KCNC2: variants seen among roughly 807,000 people sequenced by gnomAD.
KCNC2 encodes the protein potassium voltage-gated channel subfamily C member 2, also known as voltage-gated potassium channel KCNC2.
In KCNC2, 21 loss-of-function variants were observed where a neutral mutation model predicts 44.5. That is an observed-to-expected ratio of 0.47 (90% CI 0.33 to 0.68). KCNC2 has a LOEUF of 0.68. Ranked by LOEUF, KCNC2 falls within the 30% of genes least tolerant of loss-of-function variation. The pLI is 0.01. For missense variants in KCNC2, 589 were observed against 826.2 expected (o/e 0.71, Z 3.52); for synonymous variants, 391 against 339.1 (o/e 1.15, Z -1.68).
intron 4 of KCNC2, chr12:75,044,877 A>G (rs1021630275): frequency 6.6e-6 from 1 of 151,994 alleles, no homozygotes; most frequent in African/African-American, 2.4e-5. Flanking sequence ...GCTATAAAAC[A>G]TGAGAAGTGG....
intron 2 of KCNC2, among the ~76,000 whole-genome samples, chr12:75,126,512 A>T (rs1888436647): frequency 6.6e-6 from 1 of 152,178 alleles, no homozygotes. Context: ...AGTGTGATAA[A>T]TTATAAAAAG....
At position 75,168,430 on chromosome 12, in the gene KCNC2, A is replaced by T. The variant is rs572935833; in HGVS notation, c.687+38867T>A. On this transcript the variant is annotated intron_variant, in intron 2 of 4. Coordinates refer to ENST00000549446, the MANE Select transcript of KCNC2 (RefSeq NM_139137.4). ...TAAGGCCATAAAGAAGCTGGAAAGT[A>T]GGGCTGCCAGGCTGCAGATTCAAAG... Among the ~76,000 whole-genome samples the T allele has an allele frequency of 1.3e-4, 19 of 151,626 alleles. No individual in the cohort carries two copies. In the East Asian group the frequency reaches 1.9e-3, roughly 16 times the overall value.
rs1882196269 is a variant in KCNC2 at position 75,060,434 on chromosome 12, A to G, written c.688-9117T>C. Among the ~76,000 whole-genome samples the G allele has an allele frequency of 3.9e-5, 6 of 152,120 alleles. No homozygotes were observed. The South Asian group carries it at 1.2e-3, about 32-fold the overall frequency. ...GCTTAAAATACTTTAATGGCTCCCA[A>G]CTACTAGATAATATGGAATGTTCTT... On this transcript the variant is annotated intron_variant, in intron 2 of 4. Transcript: ENST00000549446.
At chr12:75,186,393 G>A (rs979456188) in intron 2 of KCNC2, among the ~76,000 whole-genome samples, 10 of 151,988 alleles carry the variant, frequency 6.6e-5, no homozygotes, top group African/African-American at 1.9e-4. Context: ...TTATTTCTAT[G>A]ATAAGATTTT....
intron 2 of KCNC2, among the ~76,000 whole-genome samples, chr12:75,191,918 T>G (rs2030321015): frequency 6.6e-6 from 1 of 152,136 alleles, no homozygotes; most frequent in Non-Finnish European, 1.5e-5. Flanking sequence ...ACAATACAGT[T>G]TTACCTAATC....
intron 2 of KCNC2, among the ~76,000 whole-genome samples, chr12:75,092,816 T>C (rs1885598078): frequency 1.3e-5 from 2 of 151,662 alleles, no homozygotes; most frequent in African/African-American, 4.8e-5. Context: ...GTCCAAAATA[T>C]AATATTCTTT....
At chr12:75,132,298 A>G (rs1158483494) in intron 2 of KCNC2, among the ~76,000 whole-genome samples, 1 of 152,148 alleles carries the variant, frequency 6.6e-6, no homozygotes, top group Non-Finnish European at 1.5e-5. Flanking sequence ...ATCTAGCTGG[A>G]TGTATATTTT....
intron 2 of KCNC2, among the ~76,000 whole-genome samples, chr12:75,182,828 A>G (rs1381415447): frequency 6.6e-6 from 1 of 152,168 alleles, no homozygotes; most frequent in Non-Finnish European, 1.5e-5. Flanking sequence ...GCCTCACCTC[A>G]CTTCAGTTTT....
chr12:75,201,966 T>A (rs532199477), intron 2 of KCNC2, among the ~76,000 whole-genome samples: 2 of 152,048 alleles, frequency 1.3e-5, no homozygotes, highest in South Asian at 4.1e-4. Flanking sequence ...ATAAAAAGAA[T>A]ACATGGCTCA....
rs1441234797 is a variant in KCNC2, at chr12:75,207,729, G to A, written c.255C>T (p.Cys85=). 1 of 1,570,438 alleles carries A rather than the reference G, an allele frequency of 6.4e-7. No homozygotes were observed. Among genetic ancestry groups the A allele is most frequent in the Non-Finnish European group, 8.6e-7 (1 of 1,158,090 alleles). ...CGCTGGCCCTGCCGCCGCGGGAACT[G>A]CAGTTGCCCGCGCCGCCCTCGAAGC... ...GGCFEGGAGN[C]SSRGGRASDH... is the part of the protein sequence containing the mutation. The change falls in exon 2 of 5, where the codon TGC becomes TGT. Residue 85 remains cysteine, a synonymous_variant. Coordinates refer to ENST00000549446, the MANE Select transcript of KCNC2 (RefSeq NM_139137.4). This position sits in a 1 kb window ranked among gnomAD's most constrained non-coding sequence, Gnocchi z 4.1.
intron 2 of KCNC2, among the ~76,000 whole-genome samples, chr12:75,196,982 C>A: frequency 6.6e-6 from 1 of 151,962 alleles, no homozygotes; most frequent in East Asian, 1.9e-4. Flanking sequence ...GCAGTTGTAG[C>A]ACAATACTGG....
At chr12:75,064,274 T>C (rs1023123088) in intron 2 of KCNC2, among the ~76,000 whole-genome samples, 2 of 152,044 alleles carry the variant, frequency 1.3e-5, no homozygotes, top group Non-Finnish European at 2.9e-5. Flanking sequence ...TATTATAATC[T>C]CTCTTATTTG....
chr12:75,179,745 T>G (rs796615493), intron 2 of KCNC2, among the ~76,000 whole-genome samples: 3,538 of 120,950 alleles, frequency 0.029, 2 homozygotes, highest in Admixed American at 0.051. Context: ...AAAACTAGTT[T>G]TATATCTTTT....
chr12:75,056,414 A>C (rs1263818619), intron 2 of KCNC2, among the ~76,000 whole-genome samples: 1 of 151,994 alleles, frequency 6.6e-6, no homozygotes, highest in Non-Finnish European at 1.5e-5. Context: ...CATGAAAATA[A>C]GCTACCTAAA....
At chr12:75,079,494 G>A (rs12311261) in intron 2 of KCNC2, among the ~76,000 whole-genome samples, 5,168 of 152,170 alleles carry the variant, frequency 0.034, 281 homozygotes, top group African/African-American at 0.11. Context: ...ATGGATAAAT[G>A]GAGTCTGAAT....
Position 75,041,213 on chromosome 12 carries a change from T to C in KCNC2, c.*1892A>G, listed in dbSNP as rs779326716. On this transcript the variant is annotated 3_prime_UTR_variant, in exon 5 of 5. Transcript: ENST00000549446. ...TGATAAATTCTGTACAACACTGTAG[T>C]CAATAACAGCAGCACCAGACAGCAT... The C allele has an allele frequency of 6.3e-7, 1 of 1,595,484 alleles. No homozygotes were observed. The highest frequency in any genetic ancestry group is 2.2e-5 in the East Asian group (1 of 44,762).
intron 2 of KCNC2, among the ~76,000 whole-genome samples, chr12:75,084,290 T>TAGATA (rs200893949): frequency 1.6e-5 from 2 of 123,656 alleles, no homozygotes; most frequent in African/African-American, 7.1e-5. Context: ...GATAGATAGA[T>TAGATA]GATAGATAGA....
At chr12:75,165,382 A>G (rs1891379073) in intron 2 of KCNC2, among the ~76,000 whole-genome samples, 1 of 151,404 alleles carries the variant, frequency 6.6e-6, no homozygotes, top group Non-Finnish European at 1.5e-5. Flanking sequence ...AAAACATTCT[A>G]TTTTCATATG....
At chr12:75,070,309 G>A (rs1350208375) in intron 2 of KCNC2, among the ~76,000 whole-genome samples, 4 of 151,942 alleles carry the variant, frequency 2.6e-5, no homozygotes, top group Admixed American at 2.0e-4. Flanking sequence ...AAATTAGCCA[G>A]TCATGGTGGT....
Sources: gnomAD v4.1 joint callset for allele counts (sites outside exome capture counted in the v4.1 genomes callset) on GRCh38, gnomAD v4.1.1 for gene constraint, Gnocchi (gnomAD v3.1) non-coding constraint, MANE v1.5 for transcripts, NCBI Gene and HGNC (gene_info 2026-07-23, HGNC 2026-07-21) for gene names.